PROS1: variants seen among roughly 807,000 people sequenced by gnomAD.
PROS1 encodes the protein vitamin K-dependent protein S.
A neutral mutation model predicts 75.9 loss-of-function variants in PROS1; 29 were observed. That is an observed-to-expected ratio of 0.38 (90% confidence interval 0.28 to 0.52). The LOEUF (loss-of-function observed/expected upper bound fraction) is 0.52, where lower values mean the gene tolerates loss of function less well. PROS1 is among the 20% of genes least tolerant of loss of function. PROS1 has a pLI of 0.83. For missense variants in PROS1, 680 were observed against 810.3 expected, an observed-to-expected ratio of 0.84 and a Z score of 1.95; for synonymous variants, 245 against 280.6, an observed-to-expected ratio of 0.87 and a Z score of 1.27.
chr3:93,921,501 G>T (rs1708943185), intron 3 of PROS1, among the ~76,000 whole-genome samples: 1 of 152,082 alleles, frequency 6.6e-6, no homozygotes, highest in Admixed American at 6.6e-5. Context: ...AAACCATCTG[G>T]ATCTGGGTTT....
At chr3:93,910,198 G>A (rs562738754) in intron 4 of PROS1, among the ~76,000 whole-genome samples, 9 of 152,260 alleles carry the variant, frequency 5.9e-5, no homozygotes, top group Non-Finnish European at 5.9e-5. Context: ...GAGCAAGAAA[G>A]CTAATTTGAT....
Position 93,926,610 on chromosome 3 carries a change from C to A in PROS1, c.234+640G>T, listed in dbSNP as rs971538001. 7.9e-5 allele frequency among the ~76,000 whole-genome samples: 12 copies of A among 152,124 alleles called. 1 individual carries two copies. Among genetic ancestry groups the A allele is most frequent in the African/African-American group, 1.7e-4 (7 of 41,422 alleles). ...TTGCACCACTGCACTCTAGCCTGGG[C>A]AACAGAAAGAGACTTTGTTTCAAAA... On this transcript the variant is annotated intron_variant, in intron 2 of 14. Transcript: ENST00000394236.
At chr3:93,906,300 C>A (rs575044096) in intron 4 of PROS1, among the ~76,000 whole-genome samples, 157 bp from the exon 5 acceptor site, 20 of 152,064 alleles carry the variant, frequency 1.3e-4, no homozygotes, top group Non-Finnish European at 2.8e-4. Context: ...AAAAAGTGAG[C>A]CTATTAGGCA....
chr3:93,939,020 C>A (rs774720942), intron 1 of PROS1, among the ~76,000 whole-genome samples: 1 of 151,316 alleles, frequency 6.6e-6, no homozygotes, highest in Non-Finnish European at 1.5e-5. Context: ...CAACCTTCCA[C>A]CCTCTATTCC....
At chr3:93,962,704 C>T (rs1047423954) in intron 1 of PROS1, among the ~76,000 whole-genome samples, 7 of 152,152 alleles carry the variant, frequency 4.6e-5, no homozygotes, top group Non-Finnish European at 8.8e-5. Context: ...CCTAATCAGA[C>T]TCAAACCCAA....
chr3:93,938,686 T>A (rs1024354196), intron 1 of PROS1, among the ~76,000 whole-genome samples: 3 of 152,220 alleles, frequency 2.0e-5, no homozygotes, highest in Admixed American at 2.0e-4. Context: ...TTCCAGTTTT[T>A]TTTCCTCTCT....
chr3:93,884,999 T>A, intron 11 of PROS1, 103 bp from the exon 12 acceptor site: 2 of 992,762 alleles, frequency 2.0e-6, no homozygotes, highest in Non-Finnish European at 3.0e-6. Flanking sequence ...CTTTCTTTGA[T>A]AATAGTTGAA....
At chr3:93,910,076 T>A (rs1244339951) in intron 4 of PROS1, among the ~76,000 whole-genome samples, 1 of 152,150 alleles carries the variant, frequency 6.6e-6, no homozygotes, top group African/African-American at 2.4e-5. Flanking sequence ...TGAACAAACA[T>A]CACAATTTAT....
intron 1 of PROS1, among the ~76,000 whole-genome samples, chr3:93,939,532 C>T (rs1048287602): frequency 1.3e-5 from 2 of 152,156 alleles, no homozygotes; most frequent in Non-Finnish European, 2.9e-5. Flanking sequence ...CCCTTCCTTA[C>T]ACCTGCTCTG....
chr3:93,901,348 T>C (rs1708590632), intron 6 of PROS1, among the ~76,000 whole-genome samples: 1 of 152,348 alleles, frequency 6.6e-6, no homozygotes, highest in Admixed American at 6.5e-5. Flanking sequence ...ACTACTATTG[T>C]TGTCTAAAGT....
chr3:93,892,551 G>C lies in PROS1; in HGVS notation c.1155+382C>G, dbSNP rs181371322. ...AAACAGGAGAATCACTTGAACCTGGGAGGTGGAGGTTGCAGTGAGCTGAGA... is the reference window on the plus strand; with the variant it reads ...AAACAGGAGAATCACTTGAACCTGGCAGGTGGAGGTTGCAGTGAGCTGAGA... On this transcript the variant is annotated intron_variant, in intron 10 of 14. Transcript: ENST00000394236. Among the ~76,000 whole-genome samples, 25 of 150,112 alleles carry C rather than the reference G, an allele frequency of 1.7e-4. No homozygotes were observed. The East Asian group carries it at 5.0e-3, about 30-fold the overall frequency.
At chr3:93,957,029 C>A (rs6441601) in intron 1 of PROS1, among the ~76,000 whole-genome samples, 121,072 of 152,010 alleles carry the variant, frequency 0.8, 48,407 homozygotes, top group Non-Finnish European at 0.83. Flanking sequence ...ATATGAAGAA[C>A]TATATATGAA....
At chr3:93,971,077 C>A (rs946575033) in intron 1 of PROS1, among the ~76,000 whole-genome samples, 1 of 152,038 alleles carries the variant, frequency 6.6e-6, no homozygotes, top group Non-Finnish European at 1.5e-5. Flanking sequence ...TAAGGTGGCT[C>A]ACTCCTGTAA....
Position 93,973,759 on chromosome 3 carries a change from C to T in PROS1, c.-10G>A. ...CACCCAGGACCCTCATTTCGAAGCG[C>T]GCGGAGGCGCCGGCAGGGACGGTGG... On this transcript the variant is annotated 5_prime_UTR_variant, in exon 1 of 15. Coordinates refer to ENST00000394236, the MANE Select transcript of PROS1 (RefSeq NM_000313.4). 1 of 1,609,102 alleles carries T rather than the reference C, an allele frequency of 6.2e-7. No individual in the cohort carries two copies. Among genetic ancestry groups the T allele is most frequent in the South Asian group, 1.1e-5 (1 of 90,626 alleles).
In PROS1 at chr3:93,944,875, T is replaced by A. The variant is rs1255812236; in HGVS notation, c.77-17468A>T. On this transcript the variant is annotated intron_variant, in intron 1 of 14. Coordinates refer to ENST00000394236, the MANE Select transcript of PROS1 (RefSeq NM_000313.4). Reference sequence around the variant, plus strand: ...AAAATCAATGAATCTAGGAGCTGGTTTTTTGAAAAGGTCAACAAAATTGAT... The same window carrying A: ...AAAATCAATGAATCTAGGAGCTGGTATTTTGAAAAGGTCAACAAAATTGAT... Among the ~76,000 whole-genome samples, 11 of 152,076 alleles carry A rather than the reference T, an allele frequency of 7.2e-5. No individual in the cohort carries two copies. The East Asian group carries it at 2.1e-3, about 29-fold the overall frequency.
Position 93,873,286 on chromosome 3 carries a change from C to G in PROS1, c.*959G>C, listed in dbSNP as rs1311308077. 1 of 152,158 alleles carries G rather than the reference C, an allele frequency of 6.6e-6. No homozygotes were observed. Among genetic ancestry groups the G allele is most frequent in the Admixed American group, 6.5e-5 (1 of 15,284 alleles). 9.4% of individuals were successfully genotyped at this position (152,158 alleles called of 1,614,324 possible). A position where few individuals can be genotyped will look rare whatever the true frequency, so the allele number is the denominator to read the frequency against. On this transcript the variant is annotated 3_prime_UTR_variant, in exon 15 of 15. Transcript: ENST00000394236. The stretch of plus-strand genomic sequence containing the variant: ...ACCAGCAGGCACGTGGCAATCTTAC[C>G]TCCTTACTTCTTTGATTACAATGAT...
intron 6 of PROS1, among the ~76,000 whole-genome samples, chr3:93,903,174 G>C (rs1481994545): frequency 6.6e-6 from 1 of 151,986 alleles, no homozygotes; most frequent in Non-Finnish European, 1.5e-5. Flanking sequence ...GGCTGTAACA[G>C]TTTTTTATAT....
At chr3:93,892,624 C>CA (rs879821259) in intron 10 of PROS1, among the ~76,000 whole-genome samples, 2,023 of 123,666 alleles carry the variant, frequency 0.016, 43 homozygotes, top group African/African-American at 0.051. Context: ...AACTCTGTCT[C>CA]AAAAAAAAAA....
chr3:93,937,565 C>T (rs1324065007), intron 1 of PROS1, among the ~76,000 whole-genome samples: 1 of 152,004 alleles, frequency 6.6e-6, no homozygotes, highest in East Asian at 1.9e-4. Context: ...GACAGGGTTT[C>T]ACCATGTTCA....
Sources: gnomAD v4.1 joint callset for allele counts (sites outside exome capture counted in the v4.1 genomes callset) on GRCh38, gnomAD v4.1.1 for gene constraint, MANE v1.5 for transcripts, NCBI Gene and HGNC (gene_info 2026-07-23, HGNC 2026-07-21) for gene names.